Variants in PLCL2 observed in about 807,000 individuals in gnomAD.
PLCL2 encodes phospholipase C like 2, also known as inactive phospholipase C-like protein 2.
PLCL2 carries 4 observed loss-of-function variants against 79.6 expected under a neutral mutation model. The observed-to-expected ratio is 0.05, with a 90% CI of 0.02 to 0.11. The LOEUF is 0.11. Among genes scored for constraint, PLCL2 ranks in the 10% least tolerant of loss-of-function variants. The pLI is 1.00. For synonymous variants in PLCL2, 484 were observed against 457.7 expected, an observed-to-expected ratio of 1.06 and a Z score of -0.73; for missense variants, 895 against 1,291.0, an observed-to-expected ratio of 0.69 and a Z score of 4.70.
chr3:17,002,629 T>C (rs73153226), intron 1 of PLCL2, among the ~76,000 whole-genome samples: 3,551 of 152,222 alleles, frequency 0.023, 131 homozygotes, highest in African/African-American at 0.08. Flanking sequence ...AGCTTCTTAT[T>C]CTTGAGCTGC....
chr3:17,028,984 T>C (rs1457345722), intron 3 of PLCL2, among the ~76,000 whole-genome samples: 2 of 152,168 alleles, frequency 1.3e-5, no homozygotes, highest in African/African-American at 4.8e-5. Context: ...TGTCCCTGTA[T>C]TCCCCGAACT....
chr3:16,991,585 G>A (rs983612191), intron 1 of PLCL2, among the ~76,000 whole-genome samples: 1 of 152,272 alleles, frequency 6.6e-6, no homozygotes, highest in South Asian at 2.1e-4. Flanking sequence ...GAACCTTCCA[G>A]TTTTGTCTGG....
chr3:16,969,799 T>G (rs1176094834), intron 1 of PLCL2, among the ~76,000 whole-genome samples: 1 of 152,014 alleles, frequency 6.6e-6, no homozygotes, highest in Non-Finnish European at 1.5e-5. Context: ...GGTTTGCTCT[T>G]GTTTTTCTAG....
At chr3:16,916,545 C>T (rs1288915548) in intron 1 of PLCL2, among the ~76,000 whole-genome samples, 1 of 152,192 alleles carries the variant, frequency 6.6e-6, no homozygotes, top group Non-Finnish European at 1.5e-5. Flanking sequence ...GAATAACTTT[C>T]TGCCAAGAGC....
chr3:16,946,038 A>AC (rs2063597088), intron 1 of PLCL2, among the ~76,000 whole-genome samples: 1 of 152,238 alleles, frequency 6.6e-6, no homozygotes, highest in Non-Finnish European at 1.5e-5. Flanking sequence ...GTGGCGGTCC[A>AC]TAAACATTAA....
chr3:17,022,634 C>A (rs2064468488), intron 3 of PLCL2, among the ~76,000 whole-genome samples: 2 of 152,140 alleles, frequency 1.3e-5, no homozygotes, highest in African/African-American at 4.8e-5. Context: ...GCTTCCTTAT[C>A]CCCATTTATT....
chr3:17,076,710 C>G (rs2065111758), intron 5 of PLCL2, among the ~76,000 whole-genome samples: 1 of 152,030 alleles, frequency 6.6e-6, no homozygotes, highest in African/African-American at 2.4e-5. Flanking sequence ...GCCATGTTCC[C>G]CAGGTTGGTT....
At chr3:17,028,223 T>G (rs1031967872) in intron 3 of PLCL2, among the ~76,000 whole-genome samples, 8 of 152,246 alleles carry the variant, frequency 5.3e-5, no homozygotes, top group African/African-American at 1.7e-4. Flanking sequence ...CTCTCACCCT[T>G]TCCTAAGGCG....
chr3:16,955,120 G>A (rs1257886292), intron 1 of PLCL2, among the ~76,000 whole-genome samples: 3 of 152,204 alleles, frequency 2.0e-5, no homozygotes, highest in Admixed American at 6.5e-5. Flanking sequence ...GTCCTGAATG[G>A]TAATGCCTAG....
At chr3:17,021,979 C>T (rs1209302202) in intron 3 of PLCL2, among the ~76,000 whole-genome samples, 1 of 152,194 alleles carries the variant, frequency 6.6e-6, no homozygotes, top group Non-Finnish European at 1.5e-5. Flanking sequence ...CACTTCAGTT[C>T]CTGGGTAGAT....
intron 1 of PLCL2, among the ~76,000 whole-genome samples, chr3:16,895,468 A>G (rs1326200840): frequency 6.6e-6 from 1 of 152,218 alleles, no homozygotes; most frequent in Non-Finnish European, 1.5e-5. Context: ...ATTTGAAAAT[A>G]GAATCTCTTT....
chr3:17,067,848 A>G (rs997947783), intron 4 of PLCL2, 108 bp from the exon 5 acceptor site: 5 of 594,612 alleles, frequency 8.4e-6, no homozygotes, highest in Admixed American at 6.4e-5. Flanking sequence ...ATGAAATTCC[A>G]CTGGAGGTTG....
chr3:17,042,406 A>G (rs1447800999), intron 3 of PLCL2, among the ~76,000 whole-genome samples: 1 of 152,218 alleles, frequency 6.6e-6, no homozygotes. Flanking sequence ...AATAAATGCT[A>G]TTTTTTAATT....
chr3:16,963,660 C>G (rs1429754444), intron 1 of PLCL2, among the ~76,000 whole-genome samples: 5 of 152,138 alleles, frequency 3.3e-5, no homozygotes, highest in African/African-American at 1.2e-4. Flanking sequence ...CATAAAAGTA[C>G]TCAAAAGGCC....
At chr3:17,035,711 GT>G in intron 3 of PLCL2, 1 of 502,796 alleles carries the variant, frequency 2.0e-6, no homozygotes, top group Non-Finnish European at 4.0e-6. Flanking sequence ...CAGTGTAGAA[GT>G]TTATATCTTA....
rs1449857715 is a variant in PLCL2 at position 16,886,060 on chromosome 3, G to A, written c.327+694G>A. Reference sequence around the variant, plus strand: ...TCTTTTGGGCAGTTTGCTTGGTTTTGCTTGCACAGTGTTAGCGGAAGAAAG... The same window carrying A: ...TCTTTTGGGCAGTTTGCTTGGTTTTACTTGCACAGTGTTAGCGGAAGAAAG... On this transcript the variant is annotated intron_variant, in intron 1 of 5. Transcript: ENST00000615277. The surrounding 1 kb of genome is among the most constrained non-coding windows in gnomAD (Gnocchi z 4.2). Among the ~76,000 whole-genome samples the A allele has an allele frequency of 3.3e-5, 5 of 152,194 alleles. No individual in the cohort carries two copies. Among genetic ancestry groups the A allele is most frequent in the Non-Finnish European group, 7.3e-5 (5 of 68,034 alleles).
At chr3:16,980,244 C>T (rs1437053464) in intron 1 of PLCL2, among the ~76,000 whole-genome samples, 3 of 140,084 alleles carry the variant, frequency 2.1e-5, no homozygotes, top group South Asian at 2.5e-4. Flanking sequence ...CCTCACCTGC[C>T]GGATGGGGCG....
chr3:17,081,150 C>G (rs569360029), intron 5 of PLCL2: 2 of 456,538 alleles, frequency 4.4e-6, no homozygotes, highest in Admixed American at 4.7e-5. Context: ...GTGAAGGTAT[C>G]TAAATTCTGC....
chr3:16,896,450 A>C (rs1315135644), intron 1 of PLCL2, among the ~76,000 whole-genome samples: 2 of 152,192 alleles, frequency 1.3e-5, no homozygotes, highest in Non-Finnish European at 2.9e-5. Flanking sequence ...GTCATCTTAC[A>C]CTGCAGTCGT....
Sources: gnomAD v4.1 joint callset for allele counts (sites outside exome capture counted in the v4.1 genomes callset) on GRCh38, gnomAD v4.1.1 for gene constraint, Gnocchi (gnomAD v3.1) non-coding constraint, MANE v1.5 for transcripts, NCBI Gene and HGNC (gene_info 2026-07-23, HGNC 2026-07-21) for gene names.